Variants in SIN3A observed in about 807,000 individuals in gnomAD.
The protein encoded by SIN3A is SIN3 transcription regulator family member A.
Under a neutral mutation model 146.1 loss-of-function variants are expected in SIN3A, and 14 were observed. The ratio of observed to expected loss-of-function variants is 0.10; its 90% CI spans 0.06 to 0.15. SIN3A has a LOEUF of 0.15. Ranked by LOEUF, SIN3A falls within the 10% of genes least tolerant of loss-of-function variation. The probability of loss-of-function intolerance (pLI) is 1.00; values close to 1 mark genes in which losing one functional copy is unlikely to be tolerated. For synonymous variants in SIN3A, 572 were observed against 572.0 expected (o/e 1.00, Z 0.00); for missense variants, 1,028 against 1,576.0 (o/e 0.65, Z 5.89).
At chr15:75,386,144 G>A (rs2073071926) in intron 16 of SIN3A, among the ~76,000 whole-genome samples, 1 of 152,148 alleles carries the variant, frequency 6.6e-6, no homozygotes, top group Non-Finnish European at 1.5e-5. Flanking sequence ...CCATACCTCA[G>A]CCTCTTAAGT....
chr15:75,377,670 T>C (rs2072888375), intron 19 of SIN3A, among the ~76,000 whole-genome samples: 1 of 152,086 alleles, frequency 6.6e-6, no homozygotes, highest in Non-Finnish European at 1.5e-5. Flanking sequence ...GCAGTAACAT[T>C]TTCTATTAAA....
intron 1 of SIN3A, among the ~76,000 whole-genome samples, chr15:75,431,770 C>T (rs2074017453): frequency 6.6e-6 from 1 of 152,188 alleles, no homozygotes; most frequent in African/African-American, 2.4e-5. Flanking sequence ...ATGGCTGTTT[C>T]ACCTTTTCTT....
At chr15:75,449,309 T>C (rs150472696) in intron 1 of SIN3A, among the ~76,000 whole-genome samples, 89 of 152,350 alleles carry the variant, frequency 5.8e-4, no homozygotes, top group African/African-American at 2.0e-3. Flanking sequence ...CACATAAATA[T>C]AGCACAGGGT....
intron 1 of SIN3A, among the ~76,000 whole-genome samples, chr15:75,440,108 G>A (rs965440245): frequency 2.6e-5 from 4 of 151,492 alleles, no homozygotes; most frequent in African/African-American, 7.3e-5. Context: ...CCAAGATCAC[G>A]CCAATGCACT....
At position 75,371,035 on chromosome 15, in the gene SIN3A, C is replaced by T. The variant is rs1247645852; in HGVS notation, c.*944G>A. ...ACACAAAAGTACTACAATGGTAACT[C>T]CCTTTGGTAAAAAGTGTAATAAATG... On this transcript the variant is annotated 3_prime_UTR_variant, in exon 21 of 21. Coordinates refer to ENST00000394947, the MANE Select transcript of SIN3A (RefSeq NM_001145358.2). 6.6e-6 allele frequency: 1 copy of T among 152,188 alleles called. No homozygotes were observed. The highest frequency in any genetic ancestry group is 2.1e-4 in the South Asian group (1 of 4,832). 9.4% of individuals were successfully genotyped at this position (152,188 alleles called of 1,614,324 possible).
At chr15:75,409,605 T>C (rs2073590043) in intron 8 of SIN3A, among the ~76,000 whole-genome samples, 1 of 150,354 alleles carries the variant, frequency 6.7e-6, no homozygotes, top group Non-Finnish European at 1.5e-5. Flanking sequence ...CATGCGCCTG[T>C]AGTCCCAGCT....
chr15:75,430,802 A>T (rs1375833725), intron 1 of SIN3A, among the ~76,000 whole-genome samples: 1 of 150,540 alleles, frequency 6.6e-6, no homozygotes, highest in Non-Finnish European at 1.5e-5. Flanking sequence ...TTTGAGACGG[A>T]GTCTCACTCT....
At chr15:75,402,048 C>T in intron 9 of SIN3A, 78 bp from the exon 10 acceptor site, 1 of 886,194 alleles carries the variant, frequency 1.1e-6, no homozygotes, top group South Asian at 1.4e-5. Context: ...GCTCTGTCGC[C>T]CAGGAGGAGG....
chr15:75,396,524 C>T, intron 12 of SIN3A, 28 bp from the exon 13 acceptor site: 2 of 1,494,802 alleles, frequency 1.3e-6, no homozygotes, highest in Non-Finnish European at 1.9e-6. Flanking sequence ...GAAGGGTATG[C>T]TCAGGACCCA....
chr15:75,430,725 T>C (rs555862879), intron 1 of SIN3A, among the ~76,000 whole-genome samples: 1 of 152,348 alleles, frequency 6.6e-6, no homozygotes, highest in African/African-American at 2.4e-5. Flanking sequence ...CCTCAAATGC[T>C]ATCACTCCTA....
intron 1 of SIN3A, among the ~76,000 whole-genome samples, chr15:75,440,178 TA>T (rs991463374): frequency 1.3e-5 from 2 of 150,530 alleles, no homozygotes; most frequent in Non-Finnish European, 3.0e-5. Flanking sequence ...TAAATAACTT[TA>T]AAAAAACCCC....
intron 14 of SIN3A, among the ~76,000 whole-genome samples, chr15:75,393,515 TA>T (rs1008640319): frequency 9.2e-5 from 14 of 152,218 alleles, no homozygotes; most frequent in African/African-American, 3.4e-4. Context: ...TAGCTGGGAT[TA>T]AGAAGTGCAC....
rs971198723 is a variant in SIN3A, at chr15:75,401,967, G to C, written c.1411C>G (p.Arg471Gly). The change falls in exon 10 of 21, where the codon CGA becomes GGA. Residue 471 changes from arginine (R) to glycine (G), a missense_variant. By Grantham distance (125) the Arg-to-Gly change is moderately radical (BLOSUM62 -2). Coordinates refer to ENST00000394947, the MANE Select transcript of SIN3A (RefSeq NM_001145358.2). ...GCTTCTGCACTCCGAAGAGCCTTTC[G>C]GACCTTATGGAGACAACGGGAAGAA... ...GTESLFFDKV[R>G]KALRSAEAYE... 1 of 1,592,364 alleles carries C rather than the reference G, an allele frequency of 6.3e-7. No homozygotes were observed. Among genetic ancestry groups the C allele is most frequent in the African/African-American group, 1.3e-5 (1 of 74,316 alleles).
rs1343103771 is a variant in SIN3A, at chr15:75,392,534, C to T, written c.2559G>A (p.Lys853=). The part of the protein sequence containing the change: ...DVDEATGAVK[K]HNGVGGSPPK... ...GGGGACTGCCCCCAACACCATTGTG[C>T]TTCTTAACTGCCCCTGTGGCTTCAT... Residue 853 remains lysine (K), a synonymous_variant, in exon 15 of 21, where the codon AAG becomes AAA. Coordinates refer to ENST00000394947, the MANE Select transcript of SIN3A (RefSeq NM_001145358.2). 1 of 1,613,998 alleles carries T rather than the reference C, an allele frequency of 6.2e-7. No homozygotes were observed. Among genetic ancestry groups the T allele is most frequent in the African/African-American group, 1.3e-5 (1 of 74,942 alleles).
chr15:75,392,291 C>T lies in SIN3A; in HGVS notation c.2802G>A (p.Lys934=), dbSNP rs1567334322. ...TGGCAGGGCTGTCACTCTTGTCTCG[C>T]TTTATGCCCAGCACTTCCCGTTCCC... ...REWEREVLGI[K]RDKSDSPAIQ... is the part of the protein sequence containing the mutation. Residue 934 remains lysine (K), a synonymous_variant, in exon 15 of 21, where the codon AAG becomes AAA. Coordinates refer to ENST00000394947, the MANE Select transcript of SIN3A (RefSeq NM_001145358.2). 1.2e-6 allele frequency: 2 copies of T among 1,614,222 alleles called. No homozygotes were observed. The highest frequency in any genetic ancestry group is 1.7e-6 in the Non-Finnish European group (2 of 1,180,048).
At chr15:75,390,336 G>T (rs375336332) in intron 15 of SIN3A, among the ~76,000 whole-genome samples, 3 of 152,196 alleles carry the variant, frequency 2.0e-5, no homozygotes, top group Non-Finnish European at 4.4e-5. Flanking sequence ...AATCCTTTAT[G>T]AATAATGAAG....
At chr15:75,374,657 T>C (rs1484488437) in intron 20 of SIN3A, among the ~76,000 whole-genome samples, 1 of 152,240 alleles carries the variant, frequency 6.6e-6, no homozygotes, top group East Asian at 1.9e-4. Flanking sequence ...TCATGCAACC[T>C]TGAGCCACAA....
chr15:75,420,316 A>G (rs2073818378), intron 3 of SIN3A: 2 of 152,214 alleles, frequency 1.3e-5, no homozygotes, highest in African/African-American at 4.8e-5. Context: ...CAAAGACAAA[A>G]AACAAAAAAA....
At chr15:75,409,752 A>G in intron 8 of SIN3A, 84 bp downstream of exon 8, 5 of 1,462,518 alleles carry the variant, frequency 3.4e-6, no homozygotes, top group Non-Finnish European at 4.6e-6. Flanking sequence ...AACAACAACA[A>G]CAAAACACAT....
Sources: gnomAD v4.1 joint callset for allele counts (sites outside exome capture counted in the v4.1 genomes callset) on GRCh38, gnomAD v4.1.1 for gene constraint, MANE v1.5 for transcripts, NCBI Gene and HGNC (gene_info 2026-07-23, HGNC 2026-07-21) for gene names.